Variants in WWC1 observed in about 807,000 individuals in gnomAD.
WWC1 encodes the protein WW and C2 domain containing 1.
A neutral mutation model predicts 138.4 loss-of-function variants in WWC1; 55 were observed. The observed-to-expected ratio is 0.40, with a 90% confidence interval of 0.32 to 0.50. The LOEUF (loss-of-function observed/expected upper bound fraction) is 0.50. WWC1 is among the 20% of genes least tolerant of loss of function. The probability of loss-of-function intolerance (pLI) is 0.72; values close to 1 mark genes in which losing one functional copy is unlikely to be tolerated. For synonymous variants in WWC1, 524 were observed against 564.9 expected (o/e 0.93, Z 1.03); for missense variants, 1,226 against 1,420.4 (o/e 0.86, Z 2.20).
intron 2 of WWC1, among the ~76,000 whole-genome samples, chr5:168,384,170 T>TC (rs11439504): frequency 0.6 from 91,107 of 151,862 alleles, 28,015 homozygotes; most frequent in African/African-American, 0.71. Flanking sequence ...AACACTTATT[T>TC]CTGTGTGACT....
At chr5:168,294,702 C>T (rs1191915704) in intron 1 of WWC1, among the ~76,000 whole-genome samples, 1 of 152,180 alleles carries the variant, frequency 6.6e-6, no homozygotes, top group Non-Finnish European at 1.5e-5. Context: ...TCTTGGCTCA[C>T]TGCAAGTCTG....
At chr5:168,405,674 G>A (rs780421196) in intron 5 of WWC1, among the ~76,000 whole-genome samples, 7 of 150,972 alleles carry the variant, frequency 4.6e-5, no homozygotes, top group East Asian at 1.9e-4. Flanking sequence ...AGCCACACAC[G>A]TTGGCCGTTT....
At chr5:168,323,854 T>C (rs541929207) in intron 1 of WWC1, among the ~76,000 whole-genome samples, 3 of 151,892 alleles carry the variant, frequency 2.0e-5, no homozygotes, top group Non-Finnish European at 4.4e-5. Flanking sequence ...AAACAAAAGA[T>C]GAGAAAAATC....
intron 1 of WWC1, among the ~76,000 whole-genome samples, chr5:168,302,518 C>A (rs188679766): frequency 9.0e-4 from 137 of 152,102 alleles, no homozygotes; most frequent in African/African-American, 3.1e-3. Context: ...AGTGGTGGTG[C>A]GGACCTAGAT....
chr5:168,403,006 T>TTTTCTCTCTTTCTTTCTTTC (rs1554104685), intron 5 of WWC1, among the ~76,000 whole-genome samples: 2 of 105,694 alleles, frequency 1.9e-5, no homozygotes, highest in South Asian at 3.5e-4. Flanking sequence ...TGTTGTTTCT[T>TTTTCTCTCTTTCTTTCTTTC]TTTCTTTCTT....
intron 2 of WWC1, among the ~76,000 whole-genome samples, chr5:168,383,537 G>A (rs149985713): frequency 6.6e-6 from 1 of 152,206 alleles, no homozygotes; most frequent in Admixed American, 6.5e-5. Context: ...AAACTCCAGT[G>A]TTCCCCGGGC....
intron 21 of WWC1, among the ~76,000 whole-genome samples, chr5:168,467,114 C>T (rs190987956): frequency 7.2e-5 from 11 of 152,142 alleles, no homozygotes; most frequent in South Asian, 2.1e-4. Flanking sequence ...AAAAATTAGC[C>T]GGGCATGGTG....
rs1458657047 is a variant in WWC1, at chr5:168,408,557, A to T, written c.771A>T (p.Ser257=). Residue 257 remains serine, a synonymous_variant, in exon 7 of 23, where the codon TCA becomes TCT. Transcript: ENST00000265293. ...DGFRTDRGSH[S]DLWSSSSSLE... is the part of the protein sequence containing the mutation. ...TCCGCACTGACAGGGGGTCTCACTC[A>T]GACCTGTGGTCCAGCAGCAGCTCTC... The T allele has an allele frequency of 1.2e-6, 2 of 1,614,098 alleles. No individual in the cohort carries two copies. Among genetic ancestry groups the T allele is most frequent in the African/African-American group, 2.7e-5 (2 of 74,946 alleles).
At chr5:168,345,755 T>A (rs1023743785) in intron 1 of WWC1, among the ~76,000 whole-genome samples, 5 of 152,220 alleles carry the variant, frequency 3.3e-5, no homozygotes, top group African/African-American at 1.2e-4. Context: ...GTTAATTTTT[T>A]AACTCAGCTC....
At position 168,378,991 on chromosome 5, in the gene WWC1, T is replaced by C. The variant is rs2152813897; in HGVS notation, c.230-6220T>C. 1.3e-5 allele frequency among the ~76,000 whole-genome samples: 2 copies of C among 152,104 alleles called. 1 individual carries two copies. The highest frequency in any genetic ancestry group is 3.9e-4 in the East Asian group (2 of 5,174). ...GATGGGTGTATGGAGAACTCATGAG[T>C]GTGCTGCCATGTGTGCTGTGTGGAG... On this transcript the variant is annotated intron_variant, in intron 2 of 22. Transcript: ENST00000265293.
chr5:168,295,372 A>G (rs1213047456), intron 1 of WWC1, among the ~76,000 whole-genome samples: 2 of 152,148 alleles, frequency 1.3e-5, no homozygotes, highest in Non-Finnish European at 2.9e-5. Context: ...AAAAGAGCCA[A>G]ACTTATTCCG....
Position 168,423,644 on chromosome 5 carries a change from C to T in WWC1, c.1386C>T (p.Phe462=). ...SSLDSSTSAS[F]TDLYYDPFEQ... ...TGGACTCCTCCACTTCAGCCAGCTT[C>T]ACTGACCTCTACTATGACCCCTTTG... is the stretch of plus-strand genomic sequence containing the variant. Residue 462 remains phenylalanine, a synonymous_variant, in exon 11 of 23, where the codon TTC becomes TTT. Coordinates refer to ENST00000265293, the MANE Select transcript of WWC1 (RefSeq NM_015238.3). The T allele has an allele frequency of 1.2e-6, 2 of 1,614,188 alleles. No individual in the cohort carries two copies. The highest frequency in any genetic ancestry group is 1.7e-6 in the Non-Finnish European group (2 of 1,180,036).
At chr5:168,381,716 C>A (rs1380301920) in intron 2 of WWC1, among the ~76,000 whole-genome samples, 2 of 146,590 alleles carry the variant, frequency 1.4e-5, no homozygotes, top group African/African-American at 5.0e-5. Context: ...CCTGGAAATT[C>A]TAATTTAAGT....
chr5:168,308,650 A>G (rs1342193153), intron 1 of WWC1, among the ~76,000 whole-genome samples: 3 of 152,164 alleles, frequency 2.0e-5, no homozygotes, highest in Non-Finnish European at 2.9e-5. Context: ...CCCCAGTCAG[A>G]ATCTCTGGAG....
Position 168,455,513 on chromosome 5 carries a change from T to C in WWC1, c.2816T>C (p.Val939Ala). ...TCCCCAGGACCCCAGAGCCAGTACG[T>C]GTGCCGGGTAAGTGAGCGTGCGGCC... ...TFSPGPQSQY[V>A]CRLNRSDSDS... The change falls in exon 19 of 23, where the codon GTG (valine) becomes GCG (alanine). Residue 939 changes from valine (V) to alanine (A), a missense_variant. Physicochemically the swap from Val to Ala is moderately conservative, Grantham distance 64. Transcript: ENST00000265293. The C allele has an allele frequency of 1.9e-6, 3 of 1,612,640 alleles. No individual in the cohort carries two copies. The highest frequency in any genetic ancestry group is 2.5e-6 in the Non-Finnish European group (3 of 1,179,358).
intron 1 of WWC1, among the ~76,000 whole-genome samples, chr5:168,294,979 G>A (rs994474436): frequency 2.0e-5 from 3 of 152,146 alleles, no homozygotes; most frequent in African/African-American, 7.2e-5. Context: ...ATCCCACCTG[G>A]ACTGGGGTGG....
At chr5:168,314,803 C>T (rs553296260) in intron 1 of WWC1, among the ~76,000 whole-genome samples, 62 of 152,274 alleles carry the variant, frequency 4.1e-4, no homozygotes, top group Admixed American at 9.8e-4. Context: ...CTGAGAGGCT[C>T]GTGAAGCAAC....
At chr5:168,462,214 C>A (rs1756880723) in intron 20 of WWC1, among the ~76,000 whole-genome samples, 1 of 146,178 alleles carries the variant, frequency 6.8e-6, no homozygotes, top group Non-Finnish European at 1.5e-5. Context: ...CATCCTACAC[C>A]TTAACAAGTC....
At chr5:168,300,316 C>T (rs935036002) in intron 1 of WWC1, among the ~76,000 whole-genome samples, 1 of 151,718 alleles carries the variant, frequency 6.6e-6, no homozygotes, top group African/African-American at 2.4e-5. Context: ...AGGGGGCAGG[C>T]GTTCACTGTT....
Sources: gnomAD v4.1 joint callset for allele counts (sites outside exome capture counted in the v4.1 genomes callset) on GRCh38, gnomAD v4.1.1 for gene constraint, MANE v1.5 for transcripts, NCBI Gene and HGNC (gene_info 2026-07-23, HGNC 2026-07-21) for gene names.